Variants in PAGE1 observed in about 807,000 individuals in gnomAD.
PAGE1 encodes P antigen family member 1.
PAGE1 carries 6 observed loss-of-function variants against 11.5 expected under a neutral mutation model. The ratio of observed to expected loss-of-function variants is 0.52; its 90% confidence interval spans 0.29 to 1.03. The LOEUF is 1.03. Among genes scored for constraint, PAGE1 ranks in the 50% least tolerant of loss-of-function variants. The pLI is 0.09. For synonymous variants in PAGE1, 42 were observed against 40.2 expected, an observed-to-expected ratio of 1.05 and a Z score of -0.17; for missense variants, 120 against 110.2, an observed-to-expected ratio of 1.09 and a Z score of -0.40.
chrX:49,695,392 G>A (rs1372349028), intron 1 of PAGE1, among the ~76,000 whole-genome samples: 1 of 111,228 alleles, frequency 9.0e-6, no homozygotes, highest in Admixed American at 9.5e-5. Context: ...CTTCTCACTC[G>A]GGTGTTTCTC....
intron 3 of PAGE1, among the ~76,000 whole-genome samples, chrX:49,693,639 A>G (rs1369910201): frequency 9.0e-6 from 1 of 111,468 alleles, no homozygotes; most frequent in Admixed American, 9.6e-5. Flanking sequence ...GCAATCAGGA[A>G]CTCAGTTTTT....
At chrX:49,689,383 C>T (rs202080726) in intron 5 of PAGE1, 35 bp downstream of exon 5, 43 of 1,013,015 alleles carry the variant, frequency 4.2e-5, no homozygotes, top group Non-Finnish European at 5.5e-5. Flanking sequence ...TGGAAACAGA[C>T]ACCCTACAAT....
At position 49,687,618 on chromosome X, in the gene PAGE1, G is replaced by A. The variant is rs1436220264; in HGVS notation, c.419-55C>T. The A allele has an allele frequency of 3.7e-6, 4 of 1,070,563 alleles. No individual in the cohort carries two copies. In the East Asian group the frequency reaches 1.2e-4, roughly 33 times the overall value. The allele number at this position is 1,070,563 out of a possible 1,213,427, so 88.2% of individuals were successfully genotyped here. On this transcript the variant is annotated intron_variant, in intron 5 of 5. Coordinates refer to ENST00000376150, the MANE Select transcript of PAGE1 (RefSeq NM_003785.4). ...TGATTTAGCAGCAGATTATTTAGAT[G>A]ACCCAAAAGGCACACAAAGGACACT...
chrX:49,692,548 AATGTT>A (rs1177010021), intron 3 of PAGE1, among the ~76,000 whole-genome samples: 1 of 111,417 alleles, frequency 9.0e-6, no homozygotes, highest in African/African-American at 3.3e-5. Flanking sequence ...ATTTTCTACA[AATGTT>A]ATGTCTTGAA....
At position 49,691,281 on chromosome X, in the gene PAGE1, C is replaced by G. The variant is rs782482756; in HGVS notation, c.260G>C (p.Arg87Pro). ...GGGCAGTTTCATCTGCTCTTCATTTCGCAGGCACACCCTCTTGGTATCAGG... is the reference window on the plus strand; with the variant it reads ...GGGCAGTTTCATCTGCTCTTCATTTGGCAGGCACACCCTCTTGGTATCAGG... The part of the protein sequence containing the change: ...DGPDTKRVCL[R>P]NEEQMKLPAE... Residue 87 changes from arginine (R) to proline (P), a missense_variant, in exon 4 of 6, where the codon CGA becomes CCA. Coordinates refer to ENST00000376150, the MANE Select transcript of PAGE1 (RefSeq NM_003785.4). 4.1e-6 allele frequency: 5 copies of G among 1,210,493 alleles called. No homozygotes were observed. The African/African-American group carries it at 6.9e-5, about 17-fold the overall frequency.
At position 49,694,064 on chromosome X, in the gene PAGE1, A is replaced by ACACC. The variant is rs1557142516; in HGVS notation, c.166+34_166+35insGGTG. The ACACC allele has an allele frequency of 1.1e-4, 85 of 788,739 alleles. 1 individual carries two copies. Among genetic ancestry groups the ACACC allele is most frequent in the South Asian group, 1.6e-4 (7 of 43,906 alleles). The allele number at this position is 788,739 out of a possible 1,213,427, so 65.0% of individuals were successfully genotyped here. A position where few individuals can be genotyped will look rare whatever the true frequency, so the allele number is the denominator to read the frequency against. ...CACACACACACACACACACACACAC[A>ACACC]CCCCAACAGGCATTCTTCTTCCCTT... On this transcript the variant is annotated intron_variant, in intron 3 of 5. Transcript: ENST00000376150.
At chrX:49,695,100 C>T (rs916852747) in intron 1 of PAGE1, among the ~76,000 whole-genome samples, 1 of 112,927 alleles carries the variant, frequency 8.9e-6, no homozygotes, top group Non-Finnish European at 1.9e-5. Flanking sequence ...CTCGACCTCC[C>T]GCTCACGCGA....
chrX:49,694,057 CA>C (rs1557142531), intron 3 of PAGE1, 41 bp downstream of exon 3: 18 of 789,594 alleles, frequency 2.3e-5, no homozygotes, highest in Middle Eastern at 3.3e-4. Context: ...CACACACACA[CA>C]CACACACCCC....
chrX:49,691,714 C>T (rs1557142239), intron 3 of PAGE1, among the ~76,000 whole-genome samples: 1 of 111,608 alleles, frequency 9.0e-6, no homozygotes, highest in Non-Finnish European at 1.9e-5. Flanking sequence ...CTCCTAGCAC[C>T]TAGCAAGTTA....
intron 4 of PAGE1, 132 bp downstream of exon 4, chrX:49,691,117 G>A (rs2066918859): frequency 1.8e-6 from 1 of 562,341 alleles, no homozygotes; most frequent in Admixed American, 3.5e-5. Context: ...GGTGGATGTT[G>A]CAGTGAGCCA....
intron 3 of PAGE1, 72 bp downstream of exon 3, chrX:49,694,019 GAGACACAC>G: frequency 2.4e-6 from 1 of 418,634 alleles, no homozygotes. Flanking sequence ...GACAATGCAT[GAGACACAC>G]ACACACACAC....
intron 1 of PAGE1, among the ~76,000 whole-genome samples, chrX:49,695,480 T>C (rs1366255327): frequency 4.5e-5 from 5 of 111,417 alleles, no homozygotes; most frequent in African/African-American, 1.3e-4. Context: ...GCCCCTTCTT[T>C]ACCGCCATCT....
intron 1 of PAGE1, among the ~76,000 whole-genome samples, chrX:49,695,093 G>A (rs2066936372): frequency 8.9e-6 from 1 of 112,649 alleles, no homozygotes; most frequent in African/African-American, 3.2e-5. Flanking sequence ...CTGCAGCCTC[G>A]ACCTCCCGCT....
intron 1 of PAGE1, among the ~76,000 whole-genome samples, chrX:49,695,431 G>C (rs1248235272): frequency 9.9e-5 from 11 of 111,255 alleles, no homozygotes; most frequent in African/African-American, 3.3e-4. Context: ...CCACACCGCT[G>C]GGGGGCGCTC....
At chrX:49,688,768 T>C (rs2066892821) in intron 5 of PAGE1, among the ~76,000 whole-genome samples, 1 of 112,218 alleles carries the variant, frequency 8.9e-6, no homozygotes, top group Non-Finnish European at 1.9e-5. Flanking sequence ...TATTAGAACC[T>C]GCATCCGTGC....
chrX:49,690,729 A>C (rs2066917020), intron 4 of PAGE1, among the ~76,000 whole-genome samples: 1 of 111,146 alleles, frequency 9.0e-6, no homozygotes, highest in African/African-American at 3.3e-5. Flanking sequence ...AAATTCTATA[A>C]AGGAAATTAT....
chrX:49,692,004 A>G (rs1179712746), intron 3 of PAGE1, among the ~76,000 whole-genome samples: 1 of 110,708 alleles, frequency 9.0e-6, no homozygotes, highest in African/African-American at 3.3e-5. Flanking sequence ...TAAATTAGGC[A>G]GGTGCGGTGG....
At chrX:49,687,778 A>C (rs1557141192) in intron 5 of PAGE1, among the ~76,000 whole-genome samples, 1 of 112,833 alleles carries the variant, frequency 8.9e-6, no homozygotes. Flanking sequence ...CGTAAACATC[A>C]GGTGCTTCCT....
chrX:49,690,083 ATATATGTG>A (rs782503934), intron 4 of PAGE1, among the ~76,000 whole-genome samples: 3 of 55,434 alleles, frequency 5.4e-5, no homozygotes, highest in African/African-American at 2.1e-4. Context: ...ATATATGTGT[ATATATGTG>A]TATATATGTG....
Sources: gnomAD v4.1 joint callset for allele counts (sites outside exome capture counted in the v4.1 genomes callset) on GRCh38, gnomAD v4.1.1 for gene constraint, MANE v1.5 for transcripts, NCBI Gene and HGNC (gene_info 2026-07-23, HGNC 2026-07-21) for gene names.